The following PRIM2 variants were observed in gnomAD, a reference collection of about 807,000 sequenced individuals.
PRIM2 encodes DNA primase subunit 2.
Under a neutral mutation model 67.3 loss-of-function variants are expected in PRIM2, and 39 were observed. The observed-to-expected ratio is 0.58, with a 90% CI of 0.45 to 0.76. The LOEUF is 0.76. Among genes scored for constraint, PRIM2 ranks in the 30% least tolerant of loss-of-function variants. The pLI, the probability that PRIM2 is intolerant of heterozygous loss-of-function variation, is 0.00. For synonymous variants in PRIM2, 143 were observed against 198.7 expected, an observed-to-expected ratio of 0.72 and a Z score of 2.36; for missense variants, 398 against 598.7, an observed-to-expected ratio of 0.66 and a Z score of 3.50.
At chr6:57,325,681 C>T (rs1221847803) in intron 4 of PRIM2, among the ~76,000 whole-genome samples, 3 of 152,118 alleles carry the variant, frequency 2.0e-5, no homozygotes, top group South Asian at 2.1e-4. Context: ...CAGCTAGTCT[C>T]GAAGCATTCT....
intron 7 of PRIM2, among the ~76,000 whole-genome samples, chr6:57,493,674 A>C (rs1773945057): frequency 6.6e-6 from 1 of 152,246 alleles, no homozygotes; most frequent in South Asian, 2.1e-4. Context: ...ATGCAAGATG[A>C]AAATCTCTCC....
At chr6:57,561,369 C>CTA (rs1775625207) in intron 10 of PRIM2, among the ~76,000 whole-genome samples, 1 of 152,134 alleles carries the variant, frequency 6.6e-6, no homozygotes, top group South Asian at 2.1e-4. Flanking sequence ...GTAGCTGGGA[C>CTA]TACAGGCGCA....
chr6:57,457,271 G>A (rs1474496339), intron 7 of PRIM2, among the ~76,000 whole-genome samples: 1 of 152,224 alleles, frequency 6.6e-6, no homozygotes, highest in African/African-American at 2.4e-5. Flanking sequence ...TCTGTTCTCA[G>A]ATCTCCAGCT....
At chr6:57,272,520 C>G in the PRIM2 span, among the ~76,000 whole-genome samples, 2 of 152,230 alleles carry the variant, frequency 1.3e-5, no homozygotes, top group Admixed American at 1.3e-4. Flanking sequence ...CTATGTGTGT[C>G]TCTACACATG....
chr6:57,508,839 T>G (rs1393385975), intron 8 of PRIM2, among the ~76,000 whole-genome samples: 1 of 152,188 alleles, frequency 6.6e-6, no homozygotes, highest in Non-Finnish European at 1.5e-5. Flanking sequence ...CTTATTTGCT[T>G]TTACATACTT....
chr6:57,382,910 T>C (rs1244447013), intron 7 of PRIM2: 2 of 152,178 alleles, frequency 1.3e-5, no homozygotes, highest in Non-Finnish European at 2.9e-5. Context: ...TTAAAAATTG[T>C]AGTATTTTCT....
the PRIM2 span, among the ~76,000 whole-genome samples, chr6:57,239,093 C>T: frequency 3.9e-5 from 6 of 152,170 alleles, no homozygotes; most frequent in South Asian, 8.3e-4. Flanking sequence ...TGAGTTCAAG[C>T]GATTCTCCTG....
intron 7 of PRIM2, among the ~76,000 whole-genome samples, chr6:57,473,441 G>A (rs1337429822): frequency 1.3e-5 from 2 of 152,030 alleles, no homozygotes; most frequent in Admixed American, 1.3e-4. Flanking sequence ...GATTAACCTG[G>A]AAAACTTTTT....
chr6:57,335,679 C>CACACCA (rs1207958452), intron 5 of PRIM2, among the ~76,000 whole-genome samples: 2 of 152,204 alleles, frequency 1.3e-5, no homozygotes, highest in African/African-American at 4.8e-5. Context: ...AACTAACAAA[C>CACACCA]AGAAAGGACA....
chr6:57,640,827 C>T (rs1777218383), intron 13 of PRIM2, among the ~76,000 whole-genome samples: 1 of 151,990 alleles, frequency 6.6e-6, no homozygotes, highest in Admixed American at 6.6e-5. Flanking sequence ...AGATTCAGTG[C>T]TATCCCTATC....
chr6:57,277,756 G>A, the PRIM2 span, among the ~76,000 whole-genome samples: 2 of 151,520 alleles, frequency 1.3e-5, no homozygotes, highest in African/African-American at 4.9e-5. Flanking sequence ...CAAGGCGGGT[G>A]GATCACAAGG....
chr6:57,335,135 A>C (rs1308138151), intron 5 of PRIM2, among the ~76,000 whole-genome samples: 1 of 152,160 alleles, frequency 6.6e-6, no homozygotes, highest in East Asian at 1.9e-4. Context: ...CTCCCACCCG[A>C]ATACTGTGCT....
chr6:57,500,681 T>C (rs1284292155), intron 7 of PRIM2, among the ~76,000 whole-genome samples: 1 of 152,226 alleles, frequency 6.6e-6, no homozygotes, highest in Non-Finnish European at 1.5e-5. Flanking sequence ...TGGAAAGATA[T>C]TTAACATTCC....
intron 7 of PRIM2, among the ~76,000 whole-genome samples, chr6:57,492,155 A>C (rs1400395332): frequency 3.9e-5 from 6 of 152,132 alleles, no homozygotes; most frequent in African/African-American, 7.2e-5. Context: ...ACTCCTTTCA[A>C]CATGTCCTCA....
intron 5 of PRIM2, among the ~76,000 whole-genome samples, chr6:57,367,205 G>A (rs1769390340): frequency 1.3e-5 from 2 of 152,118 alleles, no homozygotes; most frequent in South Asian, 2.1e-4. Flanking sequence ...AAAAAAATTT[G>A]TGAGTGAAGT....
At chr6:57,311,261 G>C (rs1330853428), upstream of PRIM2, among the ~76,000 whole-genome samples, 7 of 147,390 alleles carry the variant, frequency 4.7e-5, no homozygotes, top group Non-Finnish European at 1.1e-4. Flanking sequence ...GGGCAGAGGC[G>C]CTCCTCACTT....
the PRIM2 span, among the ~76,000 whole-genome samples, chr6:57,260,014 CT>C: frequency 1.3e-5 from 2 of 152,158 alleles, no homozygotes; most frequent in Non-Finnish European, 2.9e-5. Context: ...CCATTTTTTT[CT>C]GTGTCAATCT....
At chr6:57,512,492 C>A (rs1389309819) in intron 8 of PRIM2, among the ~76,000 whole-genome samples, 2 of 152,296 alleles carry the variant, frequency 1.3e-5, no homozygotes, top group East Asian at 1.9e-4. Context: ...ATACTCAGAA[C>A]AATCCAGTGT....
At chr6:57,308,213 C>T in the PRIM2 span, among the ~76,000 whole-genome samples, 12 of 151,924 alleles carry the variant, frequency 7.9e-5, no homozygotes, top group Non-Finnish European at 1.8e-4. Context: ...ATGGCAGCCT[C>T]CCAGCCTCAG....
Sources: gnomAD v4.1 joint callset for allele counts (sites outside exome capture counted in the v4.1 genomes callset) on GRCh38, gnomAD v4.1.1 for gene constraint, MANE v1.5 for transcripts, NCBI Gene and HGNC (gene_info 2026-07-23, HGNC 2026-07-21) for gene names.